Variants in TASP1 observed in about 807,000 individuals in gnomAD.
The protein encoded by TASP1 is taspase 1.
In TASP1, 16 loss-of-function variants were observed where a neutral mutation model predicts 56.6. The observed-to-expected ratio is 0.28, with a 90% CI of 0.19 to 0.43. TASP1 has a LOEUF of 0.43. TASP1 is among the 20% of genes least tolerant of loss of function. TASP1 has a pLI of 1.00. For synonymous variants in TASP1, 179 were observed against 184.2 expected, an observed-to-expected ratio of 0.97 and a Z score of 0.23; for missense variants, 393 against 511.6, an observed-to-expected ratio of 0.77 and a Z score of 2.24.
chr20:13,292,314 G>T, the TASP1 span: 1 of 994,740 alleles, frequency 1.0e-6, no homozygotes. Flanking sequence ...TTATTGTTGG[G>T]GTGGGGGAGA....
chr20:13,298,384 G>A, the TASP1 span, among the ~76,000 whole-genome samples: 2 of 152,176 alleles, frequency 1.3e-5, no homozygotes, highest in African/African-American at 2.4e-5. Context: ...CCAAAGTGCT[G>A]GGATTACAGG....
At chr20:13,119,911 CTG>C in the TASP1 span, among the ~76,000 whole-genome samples, 14 of 152,220 alleles carry the variant, frequency 9.2e-5, no homozygotes, top group South Asian at 2.1e-4. Context: ...TTTGGTCAGA[CTG>C]TGATAAACCT....
intron 13 of TASP1, among the ~76,000 whole-genome samples, chr20:13,414,467 A>G (rs1214340479): frequency 6.6e-6 from 1 of 152,164 alleles, no homozygotes; most frequent in Admixed American, 6.5e-5. Context: ...ACACTTAAAG[A>G]CTATAAAATA....
chr20:13,204,958 C>A, the TASP1 span, among the ~76,000 whole-genome samples: 1 of 152,188 alleles, frequency 6.6e-6, no homozygotes, highest in East Asian at 1.9e-4. Context: ...CCAGACTCCC[C>A]TCCAAGAGAG....
chr20:13,300,974 A>G, the TASP1 span, among the ~76,000 whole-genome samples: 4 of 152,224 alleles, frequency 2.6e-5, no homozygotes, highest in Non-Finnish European at 5.9e-5. Context: ...TATAAGTAGA[A>G]CTACTCATCA....
intron 8 of TASP1, among the ~76,000 whole-genome samples, chr20:13,535,669 T>A (rs965609017): frequency 4.6e-5 from 7 of 152,178 alleles, no homozygotes; most frequent in African/African-American, 1.7e-4. Flanking sequence ...CACATCACAC[T>A]GAATGCAACA....
chr20:13,549,965 G>C (rs1046306220), intron 8 of TASP1, among the ~76,000 whole-genome samples: 1 of 152,040 alleles, frequency 6.6e-6, no homozygotes, highest in African/African-American at 2.4e-5. Context: ...CAGTAGTTAA[G>C]ATTTCTTAAC....
intron 11 of TASP1, among the ~76,000 whole-genome samples, chr20:13,456,718 T>C (rs1022222786): frequency 2.0e-5 from 3 of 152,046 alleles, no homozygotes; most frequent in Admixed American, 1.3e-4. Flanking sequence ...CCAAATTGAT[T>C]TGTCAGTCAC....
chr20:13,629,639 A>C (rs2049017154), intron 2 of TASP1, among the ~76,000 whole-genome samples: 1 of 152,000 alleles, frequency 6.6e-6, no homozygotes, highest in Admixed American at 6.6e-5. Context: ...GAGTTCAAAA[A>C]TTACTTTGTC....
the TASP1 span, among the ~76,000 whole-genome samples, chr20:13,221,572 C>T: frequency 7.0e-6 from 1 of 143,850 alleles, no homozygotes; most frequent in African/African-American, 2.5e-5. Flanking sequence ...GCGGCGGCGG[C>T]GGCGCCGGCA....
chr20:13,601,776 A>ATCGCTGTT (rs2047965983), intron 4 of TASP1, among the ~76,000 whole-genome samples: 1 of 152,014 alleles, frequency 6.6e-6, no homozygotes, highest in Non-Finnish European at 1.5e-5. Flanking sequence ...CAACAGCGAT[A>ATCGCTGTT]AGTCATGGTC....
At chr20:13,231,666 T>G in the TASP1 span, among the ~76,000 whole-genome samples, 1 of 152,180 alleles carries the variant, frequency 6.6e-6, no homozygotes, top group Non-Finnish European at 1.5e-5. Flanking sequence ...CACATTTTAG[T>G]AAACCCAATC....
chr20:13,181,082 C>T, the TASP1 span, among the ~76,000 whole-genome samples: 6 of 152,150 alleles, frequency 3.9e-5, no homozygotes, highest in African/African-American at 1.4e-4. Flanking sequence ...ACCTGCATCC[C>T]TCTGGTTAAA....
At chr20:13,360,625 A>G in the TASP1 span, among the ~76,000 whole-genome samples, 2 of 152,310 alleles carry the variant, frequency 1.3e-5, no homozygotes, top group Middle Eastern at 3.4e-3. Flanking sequence ...TAATACTTTC[A>G]GAGGCCCTCA....
At chr20:13,448,673 C>A (rs2043504634) in intron 11 of TASP1, among the ~76,000 whole-genome samples, 1 of 151,988 alleles carries the variant, frequency 6.6e-6, no homozygotes, top group Non-Finnish European at 1.5e-5. Flanking sequence ...ATCGCTTATG[C>A]CTTTGATCAA....
the TASP1 span, among the ~76,000 whole-genome samples, chr20:13,118,450 A>G: frequency 0.036 from 4,708 of 130,154 alleles, 251 homozygotes; most frequent in South Asian, 0.068. Context: ...AGGTTTGTGG[A>G]AAAAAAAAAC....
the TASP1 span, among the ~76,000 whole-genome samples, chr20:13,234,281 G>A: frequency 2.6e-5 from 4 of 152,308 alleles, no homozygotes; most frequent in East Asian, 3.9e-4. Context: ...ATGTTGCTGC[G>A]AGAGACATGA....
chr20:13,219,711 A>G, the TASP1 span, among the ~76,000 whole-genome samples: 1 of 152,220 alleles, frequency 6.6e-6, no homozygotes, highest in African/African-American at 2.4e-5. Context: ...GGCATCTTTA[A>G]GGAGGCAGCA....
chr20:13,288,777 A>C, the TASP1 span: 1 of 1,308,504 alleles, frequency 7.6e-7, no homozygotes, highest in East Asian at 2.3e-5. Context: ...TAAAAGATGC[A>C]CTACTTTTCT....
Sources: allele counts gnomAD v4.1 joint callset (sites outside exome capture counted in the v4.1 genomes callset), GRCh38; gene constraint gnomAD v4.1.1; transcripts MANE v1.5; gene names NCBI Gene and HGNC (gene_info 2026-07-23, HGNC 2026-07-21).